The following SGCZ variants were observed in gnomAD, a reference collection of about 807,000 sequenced individuals.
SGCZ encodes sarcoglycan zeta, also known as zeta-sarcoglycan.
In SGCZ, 40 loss-of-function variants were observed where a neutral mutation model predicts 41.3. The observed-to-expected ratio is 0.97, with a 90% CI of 0.75 to 1.26. The LOEUF is 1.26. Ranked by LOEUF, SGCZ falls within the 50% of genes most tolerant of loss-of-function variation. The pLI, the probability that SGCZ is intolerant of heterozygous loss-of-function variation, is 0.00. For missense variants in SGCZ, 552 were observed against 369.8 expected (o/e 1.49, Z -4.04); for synonymous variants, 206 against 137.5 (o/e 1.50, Z -3.49).
At chr8:15,100,813 T>C (rs1216090633) in intron 1 of SGCZ, among the ~76,000 whole-genome samples, 1 of 152,024 alleles carries the variant, frequency 6.6e-6, no homozygotes. Flanking sequence ...TGAGACCCTG[T>C]CTCTACAATA....
At chr8:14,327,809 T>C (rs13328385) in intron 2 of SGCZ, among the ~76,000 whole-genome samples, 2,330 of 152,234 alleles carry the variant, frequency 0.015, 59 homozygotes, top group African/African-American at 0.053. Context: ...TGAGATGGAG[T>C]CTCGCTCTTT....
chr8:14,515,673 G>A (rs1205950070), intron 2 of SGCZ, among the ~76,000 whole-genome samples: 2 of 152,030 alleles, frequency 1.3e-5, no homozygotes, highest in Non-Finnish European at 2.9e-5. Context: ...AAATTTCTGG[G>A]TCTTTGAGAC....
chr8:14,827,236 C>CTTTT (rs36071307), intron 1 of SGCZ, among the ~76,000 whole-genome samples: 20 of 122,298 alleles, frequency 1.6e-4, no homozygotes, highest in South Asian at 2.6e-4. Flanking sequence ...CTTTTCTTTT[C>CTTTT]TTTTTTTTTT....
Position 14,953,379 on chromosome 8 carries a change from C to T in SGCZ, c.39+284206G>A, listed in dbSNP as rs145846656. Reference sequence around the variant, plus strand: ...ACCAGAACAGCAAGGGGGAAATCTGCCCCCATGATTCAATCGCCGTCCACT... The same window carrying T: ...ACCAGAACAGCAAGGGGGAAATCTGTCCCCATGATTCAATCGCCGTCCACT... On this transcript the variant is annotated intron_variant, in intron 1 of 7. Transcript: ENST00000382080. Among the ~76,000 whole-genome samples the T allele has an allele frequency of 6.3e-3, 953 of 152,178 alleles. 6 individuals are homozygous for T. The highest frequency in any genetic ancestry group is 0.017 in the Middle Eastern group (5 of 294).
chr8:15,182,164 C>T (rs1167477134), intron 1 of SGCZ, among the ~76,000 whole-genome samples: 2 of 152,098 alleles, frequency 1.3e-5, no homozygotes, highest in African/African-American at 4.8e-5. Context: ...AATATGTGTA[C>T]CTGATATTTC....
At chr8:15,152,065 T>C (rs1341842828) in intron 1 of SGCZ, among the ~76,000 whole-genome samples, 6 of 152,260 alleles carry the variant, frequency 3.9e-5, no homozygotes. Flanking sequence ...GGGTGTTTTA[T>C]TATTACTTTA....
At chr8:14,164,879 A>G in intron 4 of SGCZ, 177 bp from the exon 5 acceptor site, 1 of 769,612 alleles carries the variant, frequency 1.3e-6, no homozygotes, top group Non-Finnish European at 2.0e-6. Context: ...TAATTTGGGA[A>G]TGTACTTCTG....
chr8:14,662,549 C>T (rs1282602713), intron 1 of SGCZ, among the ~76,000 whole-genome samples: 4 of 152,272 alleles, frequency 2.6e-5, no homozygotes, highest in African/African-American at 9.6e-5. Flanking sequence ...AGTTTTACCA[C>T]TCATACATGT....
At position 14,858,922 on chromosome 8, in the gene SGCZ, A is replaced by G. The variant is rs141784074; in HGVS notation, c.40-303996T>C. Among the ~76,000 whole-genome samples the G allele has an allele frequency of 2.8e-3, 426 of 152,284 alleles. 3 individuals carry two copies. Among genetic ancestry groups the G allele is most frequent in the Middle Eastern group, 0.014 (4 of 294 alleles). ...ATTCTAATTTTTACATGAAAGCTCA[A>G]TGTTTTTCTTTGGCAACAAATAATG... is the stretch of plus-strand genomic sequence containing the variant. On this transcript the variant is annotated intron_variant, in intron 1 of 7. Transcript: ENST00000382080.
chr8:14,374,051 G>A (rs1174462915), intron 2 of SGCZ, among the ~76,000 whole-genome samples: 1 of 152,162 alleles, frequency 6.6e-6, no homozygotes, highest in African/African-American at 2.4e-5. Context: ...TGAGAAGATG[G>A]AGACTTGCTA....
chr8:14,609,974 A>G (rs1805873850), intron 1 of SGCZ, among the ~76,000 whole-genome samples: 1 of 152,166 alleles, frequency 6.6e-6, no homozygotes, highest in South Asian at 2.1e-4. Context: ...AATTGAATAC[A>G]TTCATATTTT....
intron 1 of SGCZ, among the ~76,000 whole-genome samples, chr8:15,226,985 G>A (rs1801796581): frequency 6.6e-6 from 1 of 152,096 alleles, no homozygotes; most frequent in Admixed American, 6.6e-5. Context: ...ACGACAGGAG[G>A]GGCACACTTG....
chr8:15,141,346 T>C (rs1377231062), intron 1 of SGCZ, among the ~76,000 whole-genome samples: 1 of 152,246 alleles, frequency 6.6e-6, no homozygotes, highest in Non-Finnish European at 1.5e-5. Flanking sequence ...AGTATTTCAA[T>C]GAGTCATGTT....
rs568442852 is a variant in SGCZ, at chr8:14,725,345, T to C, written c.40-170419A>G. ...TATTTATTTTCTTTCTTTGGATATA[T>C]ACCAAGGAGTGAAATTGCTGGATCA... On this transcript the variant is annotated intron_variant, in intron 1 of 7. Coordinates refer to ENST00000382080, the MANE Select transcript of SGCZ (RefSeq NM_139167.4). Among the ~76,000 whole-genome samples the C allele has an allele frequency of 4.6e-5, 7 of 152,332 alleles. No individual in the cohort carries two copies. The South Asian group carries it at 8.3e-4, about 18-fold the overall frequency.
intron 1 of SGCZ, among the ~76,000 whole-genome samples, chr8:15,150,325 G>A (rs1013982016): frequency 6.6e-6 from 1 of 152,104 alleles, no homozygotes; most frequent in African/African-American, 2.4e-5. Context: ...AAAATAAAAA[G>A]TTTCAGTTAG....
At chr8:14,496,445 G>A (rs1585594098) in intron 2 of SGCZ, among the ~76,000 whole-genome samples, 2 of 152,100 alleles carry the variant, frequency 1.3e-5, no homozygotes, top group East Asian at 3.9e-4. Context: ...AGTATCTTGA[G>A]TATTTTCTTC....
intron 1 of SGCZ, among the ~76,000 whole-genome samples, chr8:15,142,935 T>C (rs1020453143): frequency 6.6e-6 from 1 of 152,176 alleles, no homozygotes; most frequent in African/African-American, 2.4e-5. Context: ...AATGACGCTT[T>C]CTATCTGTAA....
At chr8:14,673,499 G>C (rs1281733112) in intron 1 of SGCZ, among the ~76,000 whole-genome samples, 2 of 151,392 alleles carry the variant, frequency 1.3e-5, no homozygotes, top group Non-Finnish European at 2.9e-5. Flanking sequence ...TTCTGAAGTA[G>C]GTGCCTGCTT....
intron 2 of SGCZ, among the ~76,000 whole-genome samples, chr8:14,345,858 A>G (rs1187215297): frequency 6.6e-6 from 1 of 152,120 alleles, no homozygotes; most frequent in Admixed American, 6.6e-5. Flanking sequence ...TCTGAACTAT[A>G]TGACATTCTG....
Sources: allele counts gnomAD v4.1 joint callset (sites outside exome capture counted in the v4.1 genomes callset), GRCh38; gene constraint gnomAD v4.1.1; transcripts MANE v1.5; gene names NCBI Gene and HGNC (gene_info 2026-07-23, HGNC 2026-07-21).